ASB5: variants seen among roughly 807,000 people sequenced by gnomAD.
ASB5 encodes the protein ankyrin repeat and SOCS box protein 5.
In ASB5, 45 loss-of-function variants were observed where a neutral mutation model predicts 42.1. The ratio of observed to expected loss-of-function variants is 1.07; its 90% confidence interval spans 0.84 to 1.37. ASB5 has a LOEUF of 1.37. Among genes scored for constraint, ASB5 ranks in the 40% most tolerant of loss-of-function variants. The pLI is 0.00. For synonymous variants in ASB5, 147 were observed against 150.6 expected (o/e 0.98, Z 0.18); for missense variants, 402 against 399.8 (o/e 1.01, Z -0.05).
intron 1 of ASB5, among the ~76,000 whole-genome samples, chr4:176,276,085 T>A (rs1055236064): frequency 2.0e-5 from 3 of 152,160 alleles, no homozygotes; most frequent in African/African-American, 7.2e-5. Context: ...AGATGTGTAA[T>A]CTTGGACGAT....
At chr4:176,274,909 A>ATTTTTTT (rs35690692) in intron 2 of ASB5, among the ~76,000 whole-genome samples, 19 of 106,290 alleles carry the variant, frequency 1.8e-4, no homozygotes, top group East Asian at 2.6e-4. Context: ...CAGCATAGCA[A>ATTTTTTT]TTTTTTTTTT....
In ASB5 at chr4:176,215,168, A is replaced by G. The variant is rs922705877; in HGVS notation, c.*432T>C. On this transcript the variant is annotated 3_prime_UTR_variant, in exon 7 of 7. Coordinates refer to ENST00000296525, the MANE Select transcript of ASB5 (RefSeq NM_080874.4). ...CATATTAGTTGCTCTTTGCTAAGCC[A>G]TATTCATATTTTATGTCAATATCAG... 1.3e-5 allele frequency: 2 copies of G among 152,954 alleles called. No homozygotes were observed. The highest frequency in any genetic ancestry group is 2.9e-5 in the Non-Finnish European group (2 of 68,632). The allele number at this position is 152,954 out of a possible 1,614,324, so 9.5% of individuals were successfully genotyped here. A position where few individuals can be genotyped will look rare whatever the true frequency, so the allele number is the denominator to read the frequency against.
chr4:176,239,362 C>T (rs1469673891), intron 1 of ASB5, among the ~76,000 whole-genome samples: 1 of 151,992 alleles, frequency 6.6e-6, no homozygotes, highest in East Asian at 1.9e-4. Flanking sequence ...AAGCTTTATG[C>T]TTTTGAATAA....
At chr4:176,220,829 C>G (rs1037362554) in intron 5 of ASB5, among the ~76,000 whole-genome samples, 1 of 152,152 alleles carries the variant, frequency 6.6e-6, no homozygotes, top group Non-Finnish European at 1.5e-5. Context: ...ACATCATATT[C>G]AATCTTGAGG....
At chr4:176,216,583 T>C (rs1752976308) in intron 6 of ASB5, among the ~76,000 whole-genome samples, 1 of 152,168 alleles carries the variant, frequency 6.6e-6, no homozygotes, top group South Asian at 2.1e-4. Flanking sequence ...TCTCTTGACC[T>C]TGTGATCCAC....
chr4:176,229,023 C>T (rs1400709982), intron 1 of ASB5, among the ~76,000 whole-genome samples: 1 of 152,128 alleles, frequency 6.6e-6, no homozygotes, highest in African/African-American at 2.4e-5. Flanking sequence ...TGTGAAGCCA[C>T]TTTGTTCAGT....
intron 1 of ASB5, among the ~76,000 whole-genome samples, chr4:176,225,820 C>T (rs1753361948): frequency 6.6e-6 from 1 of 152,148 alleles, no homozygotes; most frequent in African/African-American, 2.4e-5. Context: ...GAAGTCCTGA[C>T]CTCAAGTGAT....
At chr4:176,225,909 T>A (rs528233588) in intron 1 of ASB5, among the ~76,000 whole-genome samples, 8 of 152,360 alleles carry the variant, frequency 5.3e-5, no homozygotes, top group African/African-American at 1.9e-4. Flanking sequence ...TTTTGAATTA[T>A]CTGCACTCAC....
intron 1 of ASB5, among the ~76,000 whole-genome samples, chr4:176,245,265 A>T (rs1223835089): frequency 6.6e-6 from 1 of 152,206 alleles, no homozygotes; most frequent in Non-Finnish European, 1.5e-5. Context: ...TCAAAAGAAG[A>T]CATTTATGCA....
At chr4:176,221,701 G>C in intron 3 of ASB5, 101 bp from the exon 4 acceptor site, 1 of 1,106,592 alleles carries the variant, frequency 9.0e-7, no homozygotes, top group Admixed American at 3.0e-5. Flanking sequence ...ACAGAAATAC[G>C]TAGGAAAATG....
chr4:176,215,701 A>C lies in ASB5; in HGVS notation c.889T>G (p.Cys297Gly), dbSNP rs749226758. 4 of 1,612,952 alleles carry C rather than the reference A, an allele frequency of 2.5e-6. No homozygotes were observed. The highest frequency in any genetic ancestry group is 3.4e-6 in the Non-Finnish European group (4 of 1,179,346). The change falls in exon 7 of 7, where the codon TGC becomes GGC. Residue 297 changes from cysteine (C) to glycine (G), a missense_variant. By Grantham distance (159) the Cys-to-Gly change is radical. Transcript: ENST00000296525. ...ATGTAGCTTCGGATACAGAGTCGGCAAAGTTGGTAAAGAGAGCTTGGGGTA... is the reference window on the plus strand; with the variant it reads ...ATGTAGCTTCGGATACAGAGTCGGCCAAGTTGGTAAAGAGAGCTTGGGGTA... ...EATPSSLYQL[C>G]RLCIRSYIGK... is the part of the protein sequence containing the mutation.
At chr4:176,215,807 TAAAAACTAC>T in intron 6 of ASB5, 80 bp from the exon 7 acceptor site, 1 of 1,374,302 alleles carries the variant, frequency 7.3e-7, no homozygotes, top group Non-Finnish European at 9.9e-7. Flanking sequence ...CATAAAACCA[TAAAAACTAC>T]AATGCTTTGT....
chr4:176,242,576 C>T lies in ASB5; in HGVS notation c.197-17235G>A, dbSNP rs752160303. On this transcript the variant is annotated intron_variant, in intron 1 of 6. Coordinates refer to ENST00000296525, the MANE Select transcript of ASB5 (RefSeq NM_080874.4). ...TAACCACTTATGGTAAAAATGTCAG[C>T]GGTATCTGCTATTATAGTCTCTTCC... 5.3e-5 allele frequency among the ~76,000 whole-genome samples: 8 copies of T among 152,078 alleles called. No individual in the cohort carries two copies. The South Asian group carries it at 1.0e-3, about 20-fold the overall frequency.
At chr4:176,226,653 G>A (rs1753386823) in intron 1 of ASB5, among the ~76,000 whole-genome samples, 1 of 152,098 alleles carries the variant, frequency 6.6e-6, no homozygotes, top group African/African-American at 2.4e-5. Context: ...GAGAATTAAG[G>A]CCACCAGATC....
At chr4:176,224,431 C>A (rs896936131) in intron 2 of ASB5, among the ~76,000 whole-genome samples, 3 of 151,930 alleles carry the variant, frequency 2.0e-5, no homozygotes, top group Non-Finnish European at 4.4e-5. Flanking sequence ...GATGGGGTTT[C>A]ACCACGTTGG....
In ASB5 at chr4:176,215,694, A is replaced by C. The variant is rs747919962; in HGVS notation, c.896T>G (p.Leu299Arg). 2.5e-6 allele frequency: 4 copies of C among 1,613,136 alleles called. No homozygotes were observed. The highest frequency in any genetic ancestry group is 3.4e-6 in the Non-Finnish European group (4 of 1,179,406). Residue 299 changes from leucine (L) to arginine (R), a missense_variant, in exon 7 of 7, where the codon CTC becomes CGC. Coordinates refer to ENST00000296525, the MANE Select transcript of ASB5 (RefSeq NM_080874.4). ...TPSSLYQLCR[L>R]CIRSYIGKPR... is the part of the protein sequence containing the mutation. ...TTTTCCTATGTAGCTTCGGATACAG[A>C]GTCGGCAAAGTTGGTAAAGAGAGCT...
chr4:176,222,875 TC>T (rs1004709276), intron 2 of ASB5, among the ~76,000 whole-genome samples: 24 of 152,264 alleles, frequency 1.6e-4, no homozygotes, highest in African/African-American at 4.8e-4. Flanking sequence ...CCTCCCGGGT[TC>T]ATGCCATTCT....
intron 1 of ASB5, among the ~76,000 whole-genome samples, chr4:176,237,863 A>G (rs780512492): frequency 1.3e-5 from 2 of 152,248 alleles, no homozygotes; most frequent in African/African-American, 2.4e-5. Flanking sequence ...TATTGCAGCC[A>G]GAAAGCTCAG....
intron 1 of ASB5, among the ~76,000 whole-genome samples, chr4:176,236,087 T>C (rs556296817): frequency 3.2e-4 from 49 of 152,314 alleles, no homozygotes; most frequent in Admixed American, 1.0e-3. Context: ...CATAAAACGA[T>C]AGCTTATTTT....
Sources: gnomAD v4.1 joint callset for allele counts (sites outside exome capture counted in the v4.1 genomes callset) on GRCh38, gnomAD v4.1.1 for gene constraint, MANE v1.5 for transcripts, NCBI Gene and HGNC (gene_info 2026-07-23, HGNC 2026-07-21) for gene names.